The following RBFOX3 variants were observed in gnomAD, a reference collection of about 807,000 sequenced individuals.
RBFOX3 encodes the protein RNA binding fox-1 homolog 3, also known as RNA binding protein fox-1 homolog 3.
RBFOX3 carries 17 observed loss-of-function variants against 48.7 expected under a neutral mutation model. The ratio of observed to expected loss-of-function variants is 0.35; its 90% CI spans 0.24 to 0.52. RBFOX3 has a LOEUF of 0.52. RBFOX3 is among the 20% of genes least tolerant of loss of function. The probability of loss-of-function intolerance (pLI) is 0.94; values close to 1 mark genes in which losing one functional copy is unlikely to be tolerated. For synonymous variants in RBFOX3, 212 were observed against 209.5 expected (o/e 1.01, Z -0.10); for missense variants, 382 against 497.5 (o/e 0.77, Z 2.21).
At chr17:79,644,183 A>G in the RBFOX3 span, among the ~76,000 whole-genome samples, 15 of 152,314 alleles carry the variant, frequency 9.8e-5, no homozygotes, top group East Asian at 2.7e-3. Context: ...GAGATTGAAT[A>G]CATCATCAAA....
At chr17:79,652,956 G>T in the RBFOX3 span, among the ~76,000 whole-genome samples, 2 of 152,060 alleles carry the variant, frequency 1.3e-5, no homozygotes. Flanking sequence ...AGAAAATGGG[G>T]CCATATAATA....
intron 1 of RBFOX3, among the ~76,000 whole-genome samples, chr17:79,563,890 C>A (rs890310356): frequency 6.6e-6 from 1 of 152,184 alleles, no homozygotes; most frequent in African/African-American, 2.4e-5. Context: ...TCCCATGAGT[C>A]ATAAAAGCAT....
At chr17:79,659,628 C>G in the RBFOX3 span, among the ~76,000 whole-genome samples, 1 of 152,118 alleles carries the variant, frequency 6.6e-6, no homozygotes, top group African/African-American at 2.4e-5. Flanking sequence ...TGGACCCTCC[C>G]CACTCCCCAG....
intron 2 of RBFOX3, among the ~76,000 whole-genome samples, chr17:79,465,050 G>A (rs1462446365): frequency 2.0e-5 from 3 of 152,208 alleles, no homozygotes; most frequent in Non-Finnish European, 4.4e-5. Context: ...TCAGCCTTCC[G>A]AAGGCGAGGT....
chr17:79,426,959 C>A (rs1417769793), intron 2 of RBFOX3, among the ~76,000 whole-genome samples: 1 of 152,186 alleles, frequency 6.6e-6, no homozygotes, highest in Non-Finnish European at 1.5e-5. Flanking sequence ...CCGCCTCGGC[C>A]TCCCAAATTG....
chr17:79,179,814 G>A (rs1408943527), intron 4 of RBFOX3, among the ~76,000 whole-genome samples: 2 of 152,180 alleles, frequency 1.3e-5, no homozygotes, highest in Non-Finnish European at 2.9e-5. Flanking sequence ...AAGGTGACCA[G>A]TATCAGCCCC....
intron 4 of RBFOX3, among the ~76,000 whole-genome samples, chr17:79,166,474 A>AG (rs11441539): frequency 0.82 from 124,389 of 151,732 alleles, 52,445 homozygotes; most frequent in Non-Finnish European, 0.92. Context: ...CCACAGATGA[A>AG]GGGGAGTCCA....
At position 79,262,418 on chromosome 17, in the gene RBFOX3, A is replaced by G. The variant is rs144858217; in HGVS notation, c.-73-26613T>C. 3.3e-5 allele frequency among the ~76,000 whole-genome samples: 5 copies of G among 152,376 alleles called. No individual in the cohort carries two copies. The East Asian group carries it at 9.6e-4, about 29-fold the overall frequency. ...GGTCCCTCTCCTTGGTTTCCCTGCC[A>G]GGACTTGCACATTTCTCTGTGAATT... On this transcript the variant is annotated intron_variant, in intron 3 of 14. Coordinates refer to ENST00000693108, the MANE Select transcript of RBFOX3 (RefSeq NM_001350451.2).
At chr17:79,169,496 C>T (rs1363213339) in intron 4 of RBFOX3, among the ~76,000 whole-genome samples, 1 of 152,204 alleles carries the variant, frequency 6.6e-6, no homozygotes, top group Admixed American at 6.5e-5. Flanking sequence ...GGACCCAGGA[C>T]CCAGGACCCC....
At chr17:79,521,324 A>G (rs2149993665) in intron 1 of RBFOX3, among the ~76,000 whole-genome samples, 1 of 151,870 alleles carries the variant, frequency 6.6e-6, no homozygotes, top group South Asian at 2.1e-4. Flanking sequence ...TCAGACACAC[A>G]CATTCATACA....
intron 2 of RBFOX3, among the ~76,000 whole-genome samples, chr17:79,318,954 C>T (rs1479279017): frequency 6.8e-6 from 1 of 147,772 alleles, no homozygotes; most frequent in Admixed American, 6.8e-5. Context: ...AGCACACCAA[C>T]ATGGCACATG....
chr17:79,665,305 A>C, the RBFOX3 span, among the ~76,000 whole-genome samples: 1 of 151,290 alleles, frequency 6.6e-6, no homozygotes, highest in Non-Finnish European at 1.5e-5. Flanking sequence ...AGCACACGGG[A>C]CACATTCTAC....
chr17:79,548,735 G>A (rs1402883595), intron 1 of RBFOX3, among the ~76,000 whole-genome samples: 14 of 152,328 alleles, frequency 9.2e-5, no homozygotes, highest in African/African-American at 1.4e-4. Flanking sequence ...AGGGGTGTGC[G>A]TGTCCTTGGG....
At chr17:79,530,575 C>T (rs1369701805) in intron 1 of RBFOX3, among the ~76,000 whole-genome samples, 1 of 152,156 alleles carries the variant, frequency 6.6e-6, no homozygotes, top group African/African-American at 2.4e-5. Context: ...CCCTGCAAGC[C>T]AGACCACAGA....
intron 3 of RBFOX3, among the ~76,000 whole-genome samples, chr17:79,279,652 T>C (rs907250639): frequency 5.3e-5 from 8 of 152,216 alleles, no homozygotes; most frequent in Non-Finnish European, 1.0e-4. Context: ...GCAAACTCAC[T>C]GCAGGCAGGC....
intron 1 of RBFOX3, among the ~76,000 whole-genome samples, chr17:79,515,304 GC>G (rs1555782961): frequency 2.0e-5 from 3 of 152,154 alleles, no homozygotes; most frequent in African/African-American, 7.2e-5. Flanking sequence ...GGTGTGCAGT[GC>G]CCAGCCTACA....
intron 3 of RBFOX3, among the ~76,000 whole-genome samples, chr17:79,247,310 ATTTTTT>A (rs57539628): frequency 8.6e-6 from 1 of 116,560 alleles, no homozygotes; most frequent in South Asian, 3.1e-4. Flanking sequence ...ACATAATCGT[ATTTTTT>A]TTTTTTTTTT....
At chr17:79,251,486 A>G (rs993166436) in intron 3 of RBFOX3, among the ~76,000 whole-genome samples, 8 of 152,202 alleles carry the variant, frequency 5.3e-5, no homozygotes, top group Non-Finnish European at 2.9e-5. Context: ...ATCTCTGGGC[A>G]CAACCCTTCC....
At chr17:79,498,417 C>G (rs2081884803) in intron 1 of RBFOX3, among the ~76,000 whole-genome samples, 1 of 152,120 alleles carries the variant, frequency 6.6e-6, no homozygotes, top group Non-Finnish European at 1.5e-5. Context: ...ACTCACCCAT[C>G]CATCTACTCA....
Sources: allele counts gnomAD v4.1 joint callset (sites outside exome capture counted in the v4.1 genomes callset), GRCh38; gene constraint gnomAD v4.1.1; transcripts MANE v1.5; gene names NCBI Gene and HGNC (gene_info 2026-07-23, HGNC 2026-07-21).